The following ENGASE variants were observed in gnomAD, a reference collection of about 807,000 sequenced individuals.
ENGASE encodes the protein endo-beta-N-acetylglucosaminidase, also known as cytosolic endo-beta-N-acetylglucosaminidase.
Under a neutral mutation model 78.5 loss-of-function variants are expected in ENGASE, and 69 were observed. The observed-to-expected ratio is 0.88, with a 90% CI of 0.72 to 1.07. The LOEUF (loss-of-function observed/expected upper bound fraction) is 1.07, where lower values mean the gene tolerates loss of function less well. ENGASE is among the 50% of genes least tolerant of loss of function. ENGASE has a pLI of 0.00. For synonymous variants in ENGASE, 408 were observed against 408.9 expected (o/e 1.00, Z 0.03); for missense variants, 943 against 988.4 (o/e 0.95, Z 0.62).
rs181972449 is a variant in ENGASE, at chr17:79,084,257, A to G, written c.1443-281A>G. 3.8e-3 allele frequency: 287 copies of G among 75,124 alleles called. 2 individuals are homozygous for G. In the African/African-American group the frequency reaches 0.054, roughly 14 times the overall value. The allele number at this position is 75,124 out of a possible 1,614,324, so 4.7% of individuals were successfully genotyped here. A position where few individuals can be genotyped will look rare whatever the true frequency, so the allele number is the denominator to read the frequency against. ...GCCCCCCATCCTCCCCCAGCCCCCC[A>G]AAGCCACCCCTTTACTCTGCATCTG... On this transcript the variant is annotated intron_variant, in intron 10 of 13. Coordinates refer to ENST00000579016, the MANE Select transcript of ENGASE (RefSeq NM_001042573.3).
rs370035126 is a variant in ENGASE, at chr17:79,083,052, C to T, written c.1071C>T (p.Ser357=). Residue 357 remains serine (S), a synonymous_variant, in exon 8 of 14, where the codon TCC becomes TCT. Coordinates refer to ENST00000579016, the MANE Select transcript of ENGASE (RefSeq NM_001042573.3). This position sits in a 1 kb window ranked among gnomAD's most constrained non-coding sequence, Gnocchi z 4.9. ...SLELIRKHGF[S]VALFAPGWVY... is the part of the protein sequence containing the mutation. ...AGCTGATCCGAAAGCATGGCTTCTCCGTGGCTTTGTTTGCCCCCGGCTGGG... is the reference window on the plus strand; with the variant it reads ...AGCTGATCCGAAAGCATGGCTTCTCTGTGGCTTTGTTTGCCCCCGGCTGGG... 2.7e-5 allele frequency: 44 copies of T among 1,614,068 alleles called. No homozygotes were observed. The highest frequency in any genetic ancestry group is 1.5e-4 in the South Asian group (14 of 91,070).
Position 79,083,907 on chromosome 17 carries a change from C to T in ENGASE, c.1398C>T (p.Leu466=), listed in dbSNP as rs376090382. ...CCTGGCACGGAGGCAGCTCCCTGCT[C>T]GTCCGGGGTGTGATCCCACCGGAGG... ...EDAWHGGSSL[L]VRGVIPPEVG... Residue 466 remains leucine, a synonymous_variant, in exon 10 of 14, where the codon CTC becomes CTT. Transcript: ENST00000579016. The surrounding 1 kb of genome is among the most constrained non-coding windows in gnomAD (Gnocchi z 4.9). 99 of 1,611,510 alleles carry T rather than the reference C, an allele frequency of 6.1e-5. No individual in the cohort carries two copies. Among genetic ancestry groups the T allele is most frequent in the African/African-American group, 5.9e-4 (44 of 74,826 alleles).
chr17:79,077,733 G>T lies in ENGASE; in HGVS notation c.285G>T (p.Ala95=). The part of the protein sequence containing the change: ...FYLSSLEELL[A]WKPRLEDGFN... ...TGTCTTCGCTGGAGGAGCTCTTGGC[G>T]TGGAAGCCCCGCTTGGAGGATGGCT... The change falls in exon 3 of 14, where the codon GCG becomes GCT. Residue 95 remains alanine, a synonymous_variant. Transcript: ENST00000579016. The T allele has an allele frequency of 6.2e-7, 1 of 1,614,222 alleles. No homozygotes were observed. The highest frequency in any genetic ancestry group is 1.3e-5 in the African/African-American group (1 of 75,084).
Position 79,080,890 on chromosome 17 carries a change from C to T in ENGASE, c.724-35C>T, listed in dbSNP as rs757131779. On this transcript the variant is annotated intron_variant, in intron 5 of 13. Coordinates refer to ENST00000579016, the MANE Select transcript of ENGASE (RefSeq NM_001042573.3). ...CTTCTCATGATAGATAGATCTGGGG[C>T]TCACTGAGGCTCTCACCTTGTTCTT... 15 of 1,589,148 alleles carry T rather than the reference C, an allele frequency of 9.4e-6. No homozygotes were observed. The South Asian group carries it at 1.0e-4, about 11-fold the overall frequency.
At position 79,083,078 on chromosome 17, in the gene ENGASE, T is replaced by A; in HGVS notation, c.1097T>A (p.Val366Glu). Reference protein sequence around the residue: ...FSVALFAPGWVYECLEKKDFF... With the variant: ...FSVALFAPGWEYECLEKKDFF... ...GTGGCTTTGTTTGCCCCCGGCTGGG[T>A]GTATGAGTGTCTGGAGAAGAAGGAT... Residue 366 changes from valine to glutamate, a missense_variant, in exon 8 of 14, where the codon GTG becomes GAG. Val to Glu is a moderately radical substitution (Grantham distance 121, BLOSUM62 -2). Coordinates refer to ENST00000579016, the MANE Select transcript of ENGASE (RefSeq NM_001042573.3). The surrounding 1 kb of genome is among the most constrained non-coding windows in gnomAD (Gnocchi z 4.9). The A allele has an allele frequency of 6.2e-7, 1 of 1,613,732 alleles. No homozygotes were observed. Among genetic ancestry groups the A allele is most frequent in the Non-Finnish European group, 8.5e-7 (1 of 1,179,920 alleles).
chr17:79,077,932 G>T, intron 3 of ENGASE, 68 bp downstream of exon 3: 4 of 1,300,208 alleles, frequency 3.1e-6, no homozygotes, highest in Non-Finnish European at 4.2e-6. Context: ...GGCTGGAGGG[G>T]CGGGAGAGAG....
At chr17:79,085,783 G>C (rs1408825584) in intron 13 of ENGASE, 49 bp downstream of exon 13, 1 of 1,605,902 alleles carries the variant, frequency 6.2e-7, no homozygotes, top group East Asian at 2.2e-5. Context: ...TTGTCCAGCT[G>C]GAGTGGGGGT....
At chr17:79,075,156 A>G in intron 1 of ENGASE, 66 bp downstream of exon 1, 4 of 1,192,506 alleles carry the variant, frequency 3.4e-6, no homozygotes, top group Non-Finnish European at 4.2e-6. Context: ...CCGGGGCCCG[A>G]GGTTTCCCGG....
intron 7 of ENGASE, chr17:79,082,467 A>T (rs972702048): frequency 1.7e-6 from 2 of 1,206,956 alleles, no homozygotes; most frequent in South Asian, 1.5e-5. Flanking sequence ...GGAGGTGCCC[A>T]GGGTTTGGGG....
In ENGASE at chr17:79,081,077, AG is replaced by A; in HGVS notation, c.872+5del. On this transcript the variant is annotated splice_donor_5th_base_variant and intron_variant, in intron 6 of 13. Coordinates refer to ENST00000579016, the MANE Select transcript of ENGASE (RefSeq NM_001042573.3). Reference sequence around the variant, plus strand: ...ACGAACTCAACCAGCACAACAGGTGAGCCTGCAGACAGGTGCTGTGAGGGGG... The same window carrying A: ...ACGAACTCAACCAGCACAACAGGTGACCTGCAGACAGGTGCTGTGAGGGGG... The A allele has an allele frequency of 7.2e-7, 1 of 1,388,094 alleles. No homozygotes were observed. 86.0% of individuals were successfully genotyped at this position (1,388,094 alleles called of 1,614,324 possible).
Position 79,083,708 on chromosome 17 carries a change from ACCCCTGCTCTGTTGGCCTCTGCTGAGTG to A in ENGASE, c.1252-46_1252-19del, listed in dbSNP as rs2073211188. 3 of 1,575,028 alleles carry A rather than the reference ACCCCTGCTCTGTTGGCCTCTGCTGAGTG, an allele frequency of 1.9e-6. No individual in the cohort carries two copies. The African/African-American group carries it at 4.1e-5, about 21-fold the overall frequency. On this transcript the variant is annotated intron_variant, in intron 9 of 13. Coordinates refer to ENST00000579016, the MANE Select transcript of ENGASE (RefSeq NM_001042573.3). The surrounding 1 kb of genome is among the most constrained non-coding windows in gnomAD (Gnocchi z 4.9). ...CTTACCCTTCCCTGCCGCTCCGGGC[ACCCCTGCTCTGTTGGCCTCTGCTGAGTG>A]CCCCTGTTCTGCCCTTTTCTTCAGG...
At chr17:79,079,786 T>C in intron 4 of ENGASE, 149 bp downstream of exon 4, 1 of 932,226 alleles carries the variant, frequency 1.1e-6, no homozygotes. Context: ...GACAGGCAGC[T>C]GCAGGCTTTT....
chr17:79,074,923 C>T lies in ENGASE; in HGVS notation c.-22C>T. The T allele has an allele frequency of 3.2e-6, 4 of 1,259,570 alleles. No homozygotes were observed. Among genetic ancestry groups the T allele is most frequent in the Non-Finnish European group, 4.0e-6 (4 of 1,001,726 alleles). 78.0% of individuals were successfully genotyped at this position (1,259,570 alleles called of 1,614,324 possible). A position where few individuals can be genotyped will look rare whatever the true frequency, so the allele number is the denominator to read the frequency against. Reference sequence around the variant, plus strand: ...GGCGGGCCCGGGCCTGCGATTGCCTCTCGGCGTGCGCGGACAGTGTCATGG... The same window carrying T: ...GGCGGGCCCGGGCCTGCGATTGCCTTTCGGCGTGCGCGGACAGTGTCATGG... On this transcript the variant is annotated 5_prime_UTR_variant, in exon 1 of 14. Coordinates refer to ENST00000579016, the MANE Select transcript of ENGASE (RefSeq NM_001042573.3).
chr17:79,086,454 A>AGGTCCC lies in ENGASE; in HGVS notation c.*114_*119dup. On this transcript the variant is annotated 3_prime_UTR_variant, in exon 14 of 14. Coordinates refer to ENST00000579016, the MANE Select transcript of ENGASE (RefSeq NM_001042573.3). ...CTGCTAAGTGCCCACAGTGGCAGCGAGGTCCCGGTCCCGGGGCTGGGGTGG... is the reference window on the plus strand; with the variant it reads ...CTGCTAAGTGCCCACAGTGGCAGCGAGGTCCCGGTCCCGGTCCCGGGGCTGGGGTGG... 8 of 1,384,136 alleles carry AGGTCCC rather than the reference A, an allele frequency of 5.8e-6. No individual in the cohort carries two copies. Among genetic ancestry groups the AGGTCCC allele is most frequent in the Non-Finnish European group, 7.7e-6 (8 of 1,043,384 alleles). 85.7% of individuals were successfully genotyped at this position (1,384,136 alleles called of 1,614,324 possible).
chr17:79,084,616 C>G lies in ENGASE; in HGVS notation c.1521C>G (p.Val507=). Residue 507 remains valine (V), a synonymous_variant, in exon 11 of 14, where the codon GTC becomes GTG. Coordinates refer to ENST00000579016, the MANE Select transcript of ENGASE (RefSeq NM_001042573.3). Reference sequence around the variant, plus strand: ...ATAAGCTTGAGGGGCCCACGGACGTCACAGTTGCTTTGGAGCTGACCACAG... The same window carrying G: ...ATAAGCTTGAGGGGCCCACGGACGTGACAGTTGCTTTGGAGCTGACCACAG... ...MVYKLEGPTD[V]TVALELTTGD... is the part of the protein sequence containing the mutation. The G allele has an allele frequency of 6.2e-7, 1 of 1,612,728 alleles. No homozygotes were observed. Among genetic ancestry groups the G allele is most frequent in the South Asian group, 1.1e-5 (1 of 90,902 alleles).
Position 79,085,275 on chromosome 17 carries a change from C to T in ENGASE, c.1633C>T (p.Pro545Ser), listed in dbSNP as rs765103115. ...SRHSLRPLRV[P>S]PTKLARWVGR... ...ACACAGCCTCCGACCCCTCCGGGTG[C>T]CCCCCACCAAGCTGGCCAGATGGGT... Residue 545 changes from proline to serine, a missense_variant, in exon 12 of 14, where the codon CCC becomes TCC. By Grantham distance (74) the Pro-to-Ser change is moderately conservative (BLOSUM62 -1). Transcript: ENST00000579016. The T allele has an allele frequency of 6.2e-6, 10 of 1,613,178 alleles. No homozygotes were observed. The highest frequency in any genetic ancestry group is 7.6e-6 in the Non-Finnish European group (9 of 1,179,826).
Position 79,085,620 on chromosome 17 carries a change from C to G in ENGASE, c.1701C>G (p.His567Gln). 1 of 1,613,680 alleles carries G rather than the reference C, an allele frequency of 6.2e-7. No individual in the cohort carries two copies. The highest frequency in any genetic ancestry group is 8.5e-7 in the Non-Finnish European group (1 of 1,179,988). The stretch of plus-strand genomic sequence containing the variant: ...AGTGATCAGCCCTTTCGCCCCGTAG[C>G]TGCTACGAGGTGAGCCTGCGTGGGT... The part of the protein sequence containing the change: ...GRQLSGGWVQ[H>Q]CYEVSLRGCL... The change falls in exon 13 of 14, where the codon CAC becomes CAG. Residue 567 changes from histidine to glutamine, a missense_variant and splice_region_variant. By Grantham distance (24) the His-to-Gln change is conservative. Transcript: ENST00000579016.
At position 79,077,667 on chromosome 17, in the gene ENGASE, A is replaced by G. The variant is rs764419733; in HGVS notation, c.219A>G (p.Arg73=). The change falls in exon 3 of 14, where the codon AGA becomes AGG. Residue 73 remains arginine (R), a synonymous_variant. Coordinates refer to ENST00000579016, the MANE Select transcript of ENGASE (RefSeq NM_001042573.3). The part of the protein sequence containing the change: ...VSFSPDPLPV[R]YYDKDTTKPI... ...ATGTTTCTGTCCTCGGACCAGTTAG[A>G]TATTATGACAAGGACACCACCAAAC... The G allele has an allele frequency of 2.2e-5, 35 of 1,614,070 alleles. No homozygotes were observed. In the East Asian group the frequency reaches 7.8e-4, roughly 36 times the overall value.
chr17:79,080,457 C>T (rs903500144), intron 5 of ENGASE, 93 bp downstream of exon 5: 7 of 1,470,524 alleles, frequency 4.8e-6, no homozygotes, highest in Admixed American at 4.0e-5. Context: ...TCGCCCCACG[C>T]CTGGGCTGCA....
Sources: gnomAD v4.1 joint callset for allele counts on GRCh38, gnomAD v4.1.1 for gene constraint, Gnocchi (gnomAD v3.1) non-coding constraint, MANE v1.5 for transcripts, NCBI Gene and HGNC (gene_info 2026-07-23, HGNC 2026-07-21) for gene names.